PRLR: variants seen among roughly 807,000 people sequenced by gnomAD.
PRLR encodes the protein prolactin receptor.
PRLR carries 13 observed loss-of-function variants against 40.2 expected under a neutral mutation model. The observed-to-expected ratio is 0.32, with a 90% CI of 0.21 to 0.51. The LOEUF is 0.51. PRLR is among the 20% of genes least tolerant of loss of function. The pLI, the probability that PRLR is intolerant of heterozygous loss-of-function variation, is 0.97. For missense variants in PRLR, 656 were observed against 747.3 expected (o/e 0.88, Z 1.42); for synonymous variants, 269 against 278.7 (o/e 0.97, Z 0.35).
chr5:35,065,991 G>A lies in PRLR; in HGVS notation c.967C>T (p.Gln323Ter). 2 of 1,614,088 alleles carry A rather than the reference G, an allele frequency of 1.2e-6. No individual in the cohort carries two copies. The highest frequency in any genetic ancestry group is 1.7e-6 in the Non-Finnish European group (2 of 1,179,998). Residue 323 changes from glutamine (Q) to a stop codon, truncating the protein, a stop_gained, in exon 10 of 10, where the codon CAG (glutamine) becomes TAG (stop). Coordinates refer to ENST00000618457, the MANE Select transcript of PRLR (RefSeq NM_000949.7). LOFTEE classifies it low-confidence loss of function (END_TRUNC). ...EYLEVDDSEDQHLMSVHSKEH... is the reference protein window; with the variant it reads ...EYLEVDDSED The stretch of plus-strand genomic sequence containing the variant: ...TTTGAATGGACTGACATTAGATGCT[G>A]GTCCTCACTATCATCTACTTCTAAA...
intron 1 of PRLR, among the ~76,000 whole-genome samples, chr5:35,224,426 C>CT (rs560844720): frequency 1.8e-4 from 27 of 152,340 alleles, no homozygotes; most frequent in Admixed American, 9.8e-4. Flanking sequence ...AGAACTCAGT[C>CT]TACCAGTGAC....
chr5:35,198,393 A>C (rs530887903), intron 1 of PRLR, among the ~76,000 whole-genome samples: 12 of 152,342 alleles, frequency 7.9e-5, no homozygotes, highest in Admixed American at 2.6e-4. Context: ...GTGAAGCTGC[A>C]AAGCTGAGTG....
At chr5:35,188,887 T>C (rs971467779) in intron 1 of PRLR, among the ~76,000 whole-genome samples, 3 of 152,192 alleles carry the variant, frequency 2.0e-5, no homozygotes, top group Admixed American at 6.5e-5. Context: ...TTGAAAACTT[T>C]ATTAGGTAAT....
intron 1 of PRLR, among the ~76,000 whole-genome samples, chr5:35,194,871 G>C (rs952580572): frequency 6.6e-5 from 10 of 152,094 alleles, no homozygotes; most frequent in Admixed American, 1.3e-4. Flanking sequence ...AGAACCATAC[G>C]ACCCAAAAAG....
chr5:35,076,703 A>G (rs928883616), intron 5 of PRLR, among the ~76,000 whole-genome samples: 2 of 152,230 alleles, frequency 1.3e-5, no homozygotes, highest in African/African-American at 4.8e-5. Flanking sequence ...AATGCCACAA[A>G]GGTACTCCTC....
At chr5:35,181,097 A>T (rs911124815) in intron 1 of PRLR, among the ~76,000 whole-genome samples, 8 of 150,410 alleles carry the variant, frequency 5.3e-5, no homozygotes, top group Non-Finnish European at 1.2e-4. Flanking sequence ...AAAATGGCCA[A>T]TTCTCAAGGC....
chr5:35,199,204 A>G (rs1317957935), intron 1 of PRLR, among the ~76,000 whole-genome samples: 2 of 152,194 alleles, frequency 1.3e-5, no homozygotes, highest in African/African-American at 4.8e-5. Context: ...AGGAAATGCT[A>G]TAGGAGGAAT....
At chr5:35,184,125 G>C (rs886230400) in intron 1 of PRLR, among the ~76,000 whole-genome samples, 4 of 152,136 alleles carry the variant, frequency 2.6e-5, no homozygotes, top group African/African-American at 9.7e-5. Context: ...TGGAATAACT[G>C]GAATTCCTGA....
At chr5:35,156,129 A>G (rs1183417858) in intron 1 of PRLR, among the ~76,000 whole-genome samples, 2 of 142,564 alleles carry the variant, frequency 1.4e-5, no homozygotes, top group Non-Finnish European at 3.1e-5. Context: ...GCTCAAGATA[A>G]AAAAAAAAAA....
intron 2 of PRLR, among the ~76,000 whole-genome samples, chr5:35,110,415 A>G (rs1226938894): frequency 6.6e-6 from 1 of 152,188 alleles, no homozygotes; most frequent in African/African-American, 2.4e-5. Context: ...GAGGGGCTCT[A>G]TAGAACATTT....
At chr5:35,076,776 C>A (rs1174606649) in intron 5 of PRLR, among the ~76,000 whole-genome samples, 1 of 152,076 alleles carries the variant, frequency 6.6e-6, no homozygotes, top group Non-Finnish European at 1.5e-5. Flanking sequence ...AAGGAAAAAA[C>A]ATTAAGGGCA....
At position 35,089,659 on chromosome 5, in the gene PRLR, G is replaced by T; in HGVS notation, c.-39C>A. The T allele has an allele frequency of 6.2e-7, 1 of 1,610,908 alleles. No individual in the cohort carries two copies. The highest frequency in any genetic ancestry group is 1.3e-5 in the African/African-American group (1 of 75,004). ...TCTTGCTGCAGGAAATGTATCAGAAGTTCACTGGAAGAGAAGGTAGCAGGT... is the reference window on the plus strand; with the variant it reads ...TCTTGCTGCAGGAAATGTATCAGAATTTCACTGGAAGAGAAGGTAGCAGGT... On this transcript the variant is annotated 5_prime_UTR_variant, in exon 3 of 10. Transcript: ENST00000618457.
chr5:35,171,273 A>G (rs965752778), intron 1 of PRLR, among the ~76,000 whole-genome samples: 2 of 152,090 alleles, frequency 1.3e-5, no homozygotes, highest in African/African-American at 4.8e-5. Flanking sequence ...TAACAACTTG[A>G]AAGTCCCAGG....
intron 2 of PRLR, among the ~76,000 whole-genome samples, chr5:35,092,153 A>C (rs1158636799): frequency 1.3e-5 from 2 of 152,220 alleles, no homozygotes; most frequent in African/African-American, 2.4e-5. Flanking sequence ...AAGTTTTCCT[A>C]TAATAATGTC....
intron 1 of PRLR, among the ~76,000 whole-genome samples, chr5:35,180,869 G>A (rs1158173985): frequency 6.6e-6 from 1 of 152,098 alleles, no homozygotes; most frequent in Non-Finnish European, 1.5e-5. Flanking sequence ...CAGAATGATG[G>A]TTTCCAGCTT....
In PRLR at chr5:35,065,789, T is replaced by C. The variant is rs192767214; in HGVS notation, c.1169A>G (p.His390Arg). 6.2e-7 allele frequency: 1 copy of C among 1,614,014 alleles called. No individual in the cohort carries two copies. The highest frequency in any genetic ancestry group is 1.7e-5 in the Admixed American group (1 of 60,008). The change falls in exon 10 of 10, where the codon CAC becomes CGC. Residue 390 changes from histidine (H) to arginine (R), a missense_variant. His to Arg is a conservative substitution (Grantham distance 29). Coordinates refer to ENST00000618457, the MANE Select transcript of PRLR (RefSeq NM_000949.7). ...GCTTATGCACTGGGGGTCCCAGGTG[T>C]GGGTTGTTTCAGGATTCTCTGGCTT... ...IEKPENPETT[H>R]TWDPQCISME...
At chr5:35,205,379 C>T (rs1361324543) in intron 1 of PRLR, among the ~76,000 whole-genome samples, 2 of 152,092 alleles carry the variant, frequency 1.3e-5, no homozygotes, top group African/African-American at 4.8e-5. Flanking sequence ...CACTGTAAAC[C>T]ACAATTATTA....
At chr5:35,220,511 T>C (rs1484051341) in intron 1 of PRLR, among the ~76,000 whole-genome samples, 1 of 152,244 alleles carries the variant, frequency 6.6e-6, no homozygotes, top group African/African-American at 2.4e-5. Context: ...CTTCAGTTCA[T>C]TGCATTTTTT....
At chr5:35,186,331 T>A (rs1042529197) in intron 1 of PRLR, among the ~76,000 whole-genome samples, 2 of 152,184 alleles carry the variant, frequency 1.3e-5, no homozygotes, top group African/African-American at 4.8e-5. Flanking sequence ...TTCTATTGGG[T>A]GTGCTGTTGT....
Sources: allele counts gnomAD v4.1 joint callset (sites outside exome capture counted in the v4.1 genomes callset), GRCh38; gene constraint gnomAD v4.1.1; transcripts MANE v1.5; gene names NCBI Gene and HGNC (gene_info 2026-07-23, HGNC 2026-07-21).